Variants in IQGAP2 observed in about 807,000 individuals in gnomAD.
IQGAP2 encodes the protein IQ motif containing GTPase activating protein 2, also known as ras GTPase-activating-like protein IQGAP2.
IQGAP2 carries 173 observed loss-of-function variants against 201.3 expected under a neutral mutation model. The observed-to-expected ratio is 0.86, with a 90% CI of 0.76 to 0.98. IQGAP2 has a LOEUF of 0.98. Ranked by LOEUF, IQGAP2 falls within the 50% of genes least tolerant of loss-of-function variation. The pLI is 0.00. For synonymous variants in IQGAP2, 675 were observed against 673.9 expected (o/e 1.00, Z -0.03); for missense variants, 1,687 against 1,864.8 (o/e 0.90, Z 1.76).
intron 2 of IQGAP2, among the ~76,000 whole-genome samples, chr5:76,500,375 A>T (rs1452104820): frequency 6.6e-6 from 1 of 152,128 alleles, no homozygotes; most frequent in Non-Finnish European, 1.5e-5. Context: ...ATAACTTAAA[A>T]TTTTTTTCTT....
At chr5:76,434,052 C>A (rs1752521354) in intron 1 of IQGAP2, among the ~76,000 whole-genome samples, 1 of 152,074 alleles carries the variant, frequency 6.6e-6, no homozygotes, top group African/African-American at 2.4e-5. Flanking sequence ...ATATTATAAG[C>A]CAGGAAGGAA....
chr5:76,488,191 A>C (rs1472603804), intron 2 of IQGAP2, among the ~76,000 whole-genome samples: 1 of 152,192 alleles, frequency 6.6e-6, no homozygotes, highest in African/African-American at 2.4e-5. Context: ...GATAGCTGTC[A>C]ATTCCTAATC....
intron 2 of IQGAP2, 69 bp downstream of exon 2, chr5:76,461,738 T>C: frequency 9.0e-7 from 1 of 1,106,120 alleles, no homozygotes; most frequent in Non-Finnish European, 1.4e-6. Flanking sequence ...GGGCGTGGGA[T>C]TTGATGACCA....
In IQGAP2 at chr5:76,619,514, C is replaced by CCTTTTTTTTTTTTTTT. The variant is rs1561518620; in HGVS notation, c.1522-7896_1522-7895insCTTTTTTTTTTTTTTT. ...CAGATCTAACTTAGTTAAGGATCTT[C>CCTTTTTTTTTTTTTTT]TTTTTTTTTTTTTTTTTTTTTTGAG... On this transcript the variant is annotated intron_variant, in intron 13 of 35. Transcript: ENST00000274364. 2.9e-5 allele frequency among the ~76,000 whole-genome samples: 3 copies of CCTTTTTTTTTTTTTTT among 104,266 alleles called. 1 individual carries two copies. Among genetic ancestry groups the CCTTTTTTTTTTTTTTT allele is most frequent in the Non-Finnish European group, 3.8e-5 (2 of 52,746 alleles). The allele number at this position is 104,266 out of a possible 152,430, so 68.4% of individuals were successfully genotyped here. A position where few individuals can be genotyped will look rare whatever the true frequency, so the allele number is the denominator to read the frequency against.
At chr5:76,697,362 G>A (rs1746848126) in intron 32 of IQGAP2, among the ~76,000 whole-genome samples, 1 of 152,182 alleles carries the variant, frequency 6.6e-6, no homozygotes, top group African/African-American at 2.4e-5. Context: ...AGTCTGAAGA[G>A]GCTGGGCACA....
rs377550154 is a variant in IQGAP2, at chr5:76,512,416, A to G, written c.147-49980A>G. Among the ~76,000 whole-genome samples the G allele has an allele frequency of 1.1e-4, 17 of 152,358 alleles. No homozygotes were observed. In the East Asian group the frequency reaches 3.1e-3, roughly 28 times the overall value. On this transcript the variant is annotated intron_variant, in intron 2 of 35. Transcript: ENST00000274364. ...CTCTGCACCAAGTTTACACGTGCTAACCTTTCTGCTTTAGTAGCTAAACTT... is the reference window on the plus strand; with the variant it reads ...CTCTGCACCAAGTTTACACGTGCTAGCCTTTCTGCTTTAGTAGCTAAACTT...
chr5:76,691,106 G>A lies in IQGAP2; in HGVS notation c.3906-2249G>A, dbSNP rs561144319. Among the ~76,000 whole-genome samples the A allele has an allele frequency of 5.3e-5, 8 of 152,332 alleles. No individual in the cohort carries two copies. The East Asian group carries it at 9.6e-4, about 18-fold the overall frequency. On this transcript the variant is annotated intron_variant, in intron 30 of 35. Coordinates refer to ENST00000274364, the MANE Select transcript of IQGAP2 (RefSeq NM_006633.5). The stretch of plus-strand genomic sequence containing the variant: ...GGCTTTAAATCTGTCCGTCCCCGTC[G>A]TCCTTAAGCACTAGACACACTGTAG...
At chr5:76,594,330 T>A (rs1746863486) in intron 9 of IQGAP2, among the ~76,000 whole-genome samples, 1 of 152,220 alleles carries the variant, frequency 6.6e-6, no homozygotes, top group African/African-American at 2.4e-5. Context: ...TTTATAACCA[T>A]GAAAACAGTT....
chr5:76,493,436 G>C (rs1215281355), intron 2 of IQGAP2, among the ~76,000 whole-genome samples: 1 of 152,026 alleles, frequency 6.6e-6, no homozygotes, highest in Non-Finnish European at 1.5e-5. Context: ...GTCTGCTGAA[G>C]TGTCACTGAC....
At chr5:76,409,198 T>C (rs565303333) in intron 1 of IQGAP2, among the ~76,000 whole-genome samples, 1 of 151,280 alleles carries the variant, frequency 6.6e-6, no homozygotes, top group East Asian at 2.0e-4. Context: ...TTGATTTTGC[T>C]GCTGAATTTT....
At chr5:76,426,729 T>C (rs1420201084) in intron 1 of IQGAP2, among the ~76,000 whole-genome samples, 1 of 152,182 alleles carries the variant, frequency 6.6e-6, no homozygotes, top group Admixed American at 6.5e-5. Context: ...CCCTTCCAGC[T>C]CTCACAGCCC....
At chr5:76,528,723 C>T (rs548711680) in intron 2 of IQGAP2, among the ~76,000 whole-genome samples, 2 of 152,258 alleles carry the variant, frequency 1.3e-5, no homozygotes, top group East Asian at 1.9e-4. Flanking sequence ...TAGGGTCATT[C>T]GTGGCCAATA....
chr5:76,578,806 G>C (rs1346653874), intron 5 of IQGAP2, among the ~76,000 whole-genome samples: 1 of 151,954 alleles, frequency 6.6e-6, no homozygotes, highest in Non-Finnish European at 1.5e-5. Flanking sequence ...ACTGCGTATG[G>C]CATGTTTTAC....
At chr5:76,588,341 G>T (rs1195105925) in intron 5 of IQGAP2, among the ~76,000 whole-genome samples, 1 of 152,110 alleles carries the variant, frequency 6.6e-6, no homozygotes, top group Admixed American at 6.5e-5. Flanking sequence ...TTATGGATTT[G>T]TTTTTAAATA....
intron 27 of IQGAP2, among the ~76,000 whole-genome samples, chr5:76,676,444 T>C (rs1744832335): frequency 6.6e-6 from 1 of 152,194 alleles, no homozygotes; most frequent in African/African-American, 2.4e-5. Flanking sequence ...CAGGTGCCTG[T>C]AGGAGAGATG....
chr5:76,443,155 C>T (rs1753148714), intron 1 of IQGAP2, among the ~76,000 whole-genome samples: 1 of 152,102 alleles, frequency 6.6e-6, no homozygotes, highest in Admixed American at 6.6e-5. Flanking sequence ...GCTTATTGCC[C>T]TACAGAGAGT....
chr5:76,414,441 C>T (rs566369229), intron 1 of IQGAP2, among the ~76,000 whole-genome samples: 103 of 152,244 alleles, frequency 6.8e-4, no homozygotes, highest in Non-Finnish European at 9.1e-4. Flanking sequence ...AGTTATAGAG[C>T]TAATACAAAC....
intron 2 of IQGAP2, among the ~76,000 whole-genome samples, chr5:76,543,988 G>A (rs921788423): frequency 2.6e-4 from 40 of 152,212 alleles, no homozygotes; most frequent in Admixed American, 2.2e-3. Context: ...ACTCCTAAGC[G>A]CCTGCAAGTC....
intron 33 of IQGAP2, 68 bp downstream of exon 33, chr5:76,698,215 C>G: frequency 7.8e-7 from 1 of 1,275,402 alleles, no homozygotes; most frequent in South Asian, 1.4e-5. Flanking sequence ...TTCTGTGTTT[C>G]TAGGCAGTTG....
Sources: allele counts gnomAD v4.1 joint callset (sites outside exome capture counted in the v4.1 genomes callset), GRCh38; gene constraint gnomAD v4.1.1; transcripts MANE v1.5; gene names NCBI Gene and HGNC (gene_info 2026-07-23, HGNC 2026-07-21).